Variants in SWAP70 observed in about 807,000 individuals in gnomAD.
The protein encoded by SWAP70 is switch-associated protein 70.
A neutral mutation model predicts 80.2 loss-of-function variants in SWAP70; 34 were observed. The observed-to-expected ratio is 0.42, with a 90% CI of 0.32 to 0.56. The LOEUF (loss-of-function observed/expected upper bound fraction) is 0.56. Among genes scored for constraint, SWAP70 ranks in the 20% least tolerant of loss-of-function variants. The pLI is 0.09. For synonymous variants in SWAP70, 239 were observed against 238.5 expected (o/e 1.00, Z -0.02); for missense variants, 578 against 690.7 (o/e 0.84, Z 1.83).
At chr11:9,713,422 T>G in intron 2 of SWAP70, 44 bp from the exon 3 acceptor site, 4 of 1,576,626 alleles carry the variant, frequency 2.5e-6, no homozygotes, top group Non-Finnish European at 3.4e-6. Context: ...AGATACTGCT[T>G]ATATCGGACT....
chr11:9,681,369 T>A (rs1254133529), intron 1 of SWAP70: 1 of 152,204 alleles, frequency 6.6e-6, no homozygotes, highest in Non-Finnish European at 1.5e-5. Flanking sequence ...TAGATGTCAT[T>A]GAATGTTTTT....
intron 6 of SWAP70, among the ~76,000 whole-genome samples, chr11:9,730,317 C>T (rs1474533575): frequency 2.8e-5 from 4 of 141,668 alleles, no homozygotes; most frequent in African/African-American, 5.2e-5. Flanking sequence ...GGTGAAACCC[C>T]GTCTCTACTT....
chr11:9,683,807 T>G (rs1272739474), intron 1 of SWAP70, among the ~76,000 whole-genome samples: 1 of 152,136 alleles, frequency 6.6e-6, no homozygotes, highest in Non-Finnish European at 1.5e-5. Context: ...ACACAGTCCT[T>G]GTAGCTGGGT....
chr11:9,693,040 TA>T (rs964928145), intron 1 of SWAP70, among the ~76,000 whole-genome samples: 38 of 152,290 alleles, frequency 2.5e-4, no homozygotes, highest in Non-Finnish European at 4.0e-4. Flanking sequence ...TGTTTAATCT[TA>T]AAAAAACTCC....
In SWAP70 at chr11:9,720,737, T is replaced by C. The variant is rs1851123855; in HGVS notation, c.415-3921T>C. Among the ~76,000 whole-genome samples the C allele has an allele frequency of 2.0e-5, 3 of 152,240 alleles. No homozygotes were observed. In the South Asian group the frequency reaches 6.2e-4, roughly 31 times the overall value. ...TTTCTGTACCTGTTAATGCTACTGC[T>C]TATTGTACCTTGAGCAATTGTTTAT... is the stretch of plus-strand genomic sequence containing the variant. On this transcript the variant is annotated intron_variant, in intron 3 of 11. Transcript: ENST00000318950.
intron 2 of SWAP70, among the ~76,000 whole-genome samples, chr11:9,711,391 A>G (rs566710787): frequency 1.3e-5 from 2 of 151,320 alleles, no homozygotes; most frequent in East Asian, 3.9e-4. Flanking sequence ...TTTGCCTTTT[A>G]TGTGTGTGTG....
At chr11:9,729,784 G>A (rs10743117) in intron 6 of SWAP70, among the ~76,000 whole-genome samples, 1 of 151,854 alleles carries the variant, frequency 6.6e-6, no homozygotes, top group South Asian at 2.1e-4. Context: ...GAGCCACTAC[G>A]CCTGGCCGAG....
At chr11:9,723,922 G>A (rs1219375861) in intron 3 of SWAP70, among the ~76,000 whole-genome samples, 7 of 152,014 alleles carry the variant, frequency 4.6e-5, no homozygotes, top group African/African-American at 2.4e-5. Flanking sequence ...ACAGGTGTGC[G>A]CCACATGCCT....
rs754586223 is a variant in SWAP70, at chr11:9,713,503, T to C, written c.278T>C (p.Met93Thr). ...DNFDKIEFNR[M>T]CWTLCVKKNL... is the part of the protein sequence containing the mutation. ...TTTGACAAGATTGAATTCAATAGGA[T>C]GTGTTGGACCCTCTGTGTCAAAAAA... The change falls in exon 3 of 12, where the codon ATG becomes ACG. Residue 93 changes from methionine (M) to threonine (T), a missense_variant. Met to Thr is a moderately conservative substitution (Grantham distance 81). Transcript: ENST00000318950. 2.7e-5 allele frequency: 43 copies of C among 1,613,270 alleles called. No homozygotes were observed. Among genetic ancestry groups the C allele is most frequent in the Non-Finnish European group, 3.6e-5 (42 of 1,179,784 alleles).
chr11:9,671,973 ATATATTTTTC>A (rs1850417125), intron 1 of SWAP70, among the ~76,000 whole-genome samples: 2 of 113,270 alleles, frequency 1.8e-5, no homozygotes, highest in African/African-American at 7.1e-5. Flanking sequence ...TTTATATGTT[ATATATTTTTC>A]TATATTTTAT....
intron 1 of SWAP70, chr11:9,681,218 TATG>T (rs1850564403): frequency 6.6e-6 from 1 of 152,140 alleles, no homozygotes; most frequent in Non-Finnish European, 1.5e-5. Context: ...AGGTGACAAA[TATG>T]GTGGTAGCAC....
rs778387589 is a variant in SWAP70, at chr11:9,694,188, G to T, written c.142G>T (p.Asp48Tyr). The T allele has an allele frequency of 4.4e-5, 71 of 1,612,860 alleles. No homozygotes were observed. The highest frequency in any genetic ancestry group is 6.0e-5 in the Non-Finnish European group (71 of 1,179,570). Residue 48 changes from aspartate (D) to tyrosine (Y), a missense_variant, in exon 2 of 12, where the codon GAC becomes TAC. Coordinates refer to ENST00000318950, the MANE Select transcript of SWAP70 (RefSeq NM_015055.4). ...GTGCACGGTGCTGAAGGTTCCTCAT[G>T]ACCCAGTTGCCCTTGAAGAGCACTT... ...NLCTVLKVPHDPVALEEHFRD... is the reference protein window; with the variant it reads ...NLCTVLKVPHYPVALEEHFRD...
chr11:9,667,736 T>C (rs73408294), intron 1 of SWAP70, among the ~76,000 whole-genome samples: 1,860 of 152,104 alleles, frequency 0.012, 42 homozygotes, highest in African/African-American at 0.042. Context: ...CTAATGTTTG[T>C]ACTTATGTAG....
chr11:9,721,476 T>C (rs1007816248), intron 3 of SWAP70, among the ~76,000 whole-genome samples: 4 of 151,434 alleles, frequency 2.6e-5, no homozygotes, highest in African/African-American at 7.3e-5. Context: ...TCTTTCTTTT[T>C]TTTTTTTTTT....
intron 3 of SWAP70, 91 bp from the exon 4 acceptor site, chr11:9,724,567 A>G: frequency 2.1e-6 from 2 of 939,214 alleles, no homozygotes; most frequent in Non-Finnish European, 3.1e-6. Flanking sequence ...GTATTTCCTA[A>G]GTTGAACTTA....
chr11:9,744,750 A>G (rs1487763145), intron 9 of SWAP70, among the ~76,000 whole-genome samples: 2 of 152,136 alleles, frequency 1.3e-5, no homozygotes, highest in African/African-American at 4.8e-5. Flanking sequence ...TCTACTAAAA[A>G]TACAAAAATT....
intron 4 of SWAP70, among the ~76,000 whole-genome samples, chr11:9,725,549 ATATATATATATATATATATATTT>A (rs1194592747): frequency 0.11 from 2,123 of 19,210 alleles, 111 homozygotes; most frequent in African/African-American, 0.25. Flanking sequence ...ATATATATAT[ATATATATATATATATATATATTT>A]TTTTTTTTTT....
At chr11:9,672,915 G>C (rs1850437520) in intron 1 of SWAP70, among the ~76,000 whole-genome samples, 1 of 152,154 alleles carries the variant, frequency 6.6e-6, no homozygotes. Context: ...TTAATAGTAT[G>C]TCAGTGGAAA....
chr11:9,721,793 A>T (rs1483835611), intron 3 of SWAP70, among the ~76,000 whole-genome samples: 3 of 152,058 alleles, frequency 2.0e-5, no homozygotes, highest in African/African-American at 7.3e-5. Flanking sequence ...TGAACTTGTG[A>T]TATTTTGTGA....
Sources: gnomAD v4.1 joint callset for allele counts (sites outside exome capture counted in the v4.1 genomes callset) on GRCh38, gnomAD v4.1.1 for gene constraint, MANE v1.5 for transcripts, NCBI Gene and HGNC (gene_info 2026-07-23, HGNC 2026-07-21) for gene names.